Variants in ZC4H2 observed in about 807,000 individuals in gnomAD.
The protein encoded by ZC4H2 is zinc finger C4H2-type containing.
For synonymous variants in ZC4H2, 84 were observed against 66.3 expected (o/e 1.27, Z -1.30); for missense variants, 137 against 173.9 (o/e 0.79, Z 1.19).
chrX:64,989,219 T>C (rs1932257967), intron 1 of ZC4H2, among the ~76,000 whole-genome samples: 1 of 111,916 alleles, frequency 8.9e-6, no homozygotes, highest in Admixed American at 9.5e-5. Context: ...TTTGGTTCCA[T>C]ATGAACTTTA....
At chrX:65,034,342 C>A (rs2147301318) in intron 1 of ZC4H2, among the ~76,000 whole-genome samples, 1 of 111,930 alleles carries the variant, frequency 8.9e-6, no homozygotes, top group Admixed American at 9.4e-5. Context: ...TGACCCTTAA[C>A]CACCTGAGTT....
intron 1 of ZC4H2, among the ~76,000 whole-genome samples, chrX:65,006,960 T>C (rs763825582): frequency 1.2e-3 from 138 of 112,344 alleles, no homozygotes; most frequent in Non-Finnish European, 1.4e-3. Context: ...TCTGTAATCA[T>C]AATTTCCATA....
At chrX:64,960,812 A>G (rs1931361140) in intron 1 of ZC4H2, among the ~76,000 whole-genome samples, 1 of 112,047 alleles carries the variant, frequency 8.9e-6, no homozygotes, top group African/African-American at 3.2e-5. Context: ...TGTGGTCAGA[A>G]AAGATACTTG....
chrX:64,998,303 G>GA (rs1932458569), intron 1 of ZC4H2, among the ~76,000 whole-genome samples: 1 of 111,797 alleles, frequency 8.9e-6, no homozygotes, highest in African/African-American at 3.3e-5. Flanking sequence ...CAACCATACT[G>GA]AAAATGAAAA....
chrX:64,967,930 A>T (rs1381327150), intron 1 of ZC4H2, among the ~76,000 whole-genome samples: 1 of 111,772 alleles, frequency 8.9e-6, no homozygotes, highest in African/African-American at 3.3e-5. Context: ...CAATCATTAC[A>T]TTTGGAATGA....
At chrX:64,984,468 A>G (rs1278824414) in intron 1 of ZC4H2, among the ~76,000 whole-genome samples, 1 of 111,354 alleles carries the variant, frequency 9.0e-6, no homozygotes, top group South Asian at 3.8e-4. Flanking sequence ...ATTACGGATG[A>G]ATTCATAGGG....
At chrX:64,992,611 C>T in intron 1 of ZC4H2, among the ~76,000 whole-genome samples, 1 of 111,369 alleles carries the variant, frequency 9.0e-6, no homozygotes, top group Non-Finnish European at 1.9e-5. Context: ...ACGTCATTCC[C>T]TAATTCGGAC....
chrX:64,928,586 T>C (rs903424159), intron 1 of ZC4H2, among the ~76,000 whole-genome samples: 1 of 110,891 alleles, frequency 9.0e-6, no homozygotes, highest in African/African-American at 3.3e-5. Flanking sequence ...GCCATTTCTA[T>C]ATCTTCTTTT....
chrX:65,006,369 C>T (rs930591751), intron 1 of ZC4H2, among the ~76,000 whole-genome samples: 2 of 111,503 alleles, frequency 1.8e-5, no homozygotes, highest in South Asian at 7.6e-4. Flanking sequence ...CCATGGAATA[C>T]TATGCAGCAA....
intron 1 of ZC4H2, among the ~76,000 whole-genome samples, chrX:65,029,606 C>T (rs920560127): frequency 1.8e-5 from 2 of 110,642 alleles, no homozygotes; most frequent in African/African-American, 6.6e-5. Flanking sequence ...TTGTAAGGTA[C>T]GTGAGATAGA....
At chrX:65,004,759 G>T (rs766947322) in intron 1 of ZC4H2, among the ~76,000 whole-genome samples, 1 of 112,088 alleles carries the variant, frequency 8.9e-6, no homozygotes, top group Non-Finnish European at 1.9e-5. Flanking sequence ...AAGAAATAAA[G>T]TGTGTTAAAT....
intron 1 of ZC4H2, among the ~76,000 whole-genome samples, chrX:64,972,437 C>T (rs1931813822): frequency 8.9e-6 from 1 of 111,800 alleles, no homozygotes; most frequent in Non-Finnish European, 1.9e-5. Context: ...ATCATTCCTG[C>T]TTCTGTCCAG....
chrX:65,026,711 GA>G lies in ZC4H2; in HGVS notation c.-272+7917del, dbSNP rs537124076. On this transcript the variant is annotated intron_variant, in intron 1 of 4. Coordinates refer to the ZC4H2 transcript ENST00000337990. ...GCAACAGAGCGAGACTCCGTCTCAG[GA>G]AAAAAAAAAAAAGGAATTTAGCACA... Among the ~76,000 whole-genome samples, 378 of 96,853 alleles carry G rather than the reference GA, an allele frequency of 3.9e-3. 3 individuals are homozygous for G. The highest frequency in any genetic ancestry group is 6.3e-3 in the African/African-American group (168 of 26,767). 84.1% of individuals were successfully genotyped at this position (96,853 alleles called of 115,157 possible). A position where few individuals can be genotyped will look rare whatever the true frequency, so the allele number is the denominator to read the frequency against.
chrX:64,995,340 C>T (rs745880676), intron 1 of ZC4H2, among the ~76,000 whole-genome samples: 2 of 111,383 alleles, frequency 1.8e-5, no homozygotes, highest in African/African-American at 6.5e-5. Flanking sequence ...TGTCTTTGCC[C>T]CACTGCCTCT....
chrX:64,951,312 A>G (rs1307322569), intron 1 of ZC4H2, among the ~76,000 whole-genome samples: 1 of 112,104 alleles, frequency 8.9e-6, no homozygotes, highest in Non-Finnish European at 1.9e-5. Flanking sequence ...TTGGGTATAT[A>G]CCCAGTAATG....
intron 1 of ZC4H2, among the ~76,000 whole-genome samples, chrX:64,964,612 A>T (rs752508149): frequency 2.4e-4 from 27 of 111,846 alleles, no homozygotes; most frequent in Non-Finnish European, 4.5e-4. Flanking sequence ...TTTTCACACA[A>T]GGAAAGGTAA....
At chrX:64,945,221 T>G (rs954008152) in intron 1 of ZC4H2, among the ~76,000 whole-genome samples, 12 of 112,862 alleles carry the variant, frequency 1.1e-4, no homozygotes, top group African/African-American at 3.9e-4. Flanking sequence ...TGTATTTATT[T>G]AACTTTGATC....
chrX:65,002,874 G>A (rs1275419441), intron 1 of ZC4H2, among the ~76,000 whole-genome samples: 60 of 109,076 alleles, frequency 5.5e-4, no homozygotes, highest in African/African-American at 1.7e-3. Context: ...CTCGTTAAGA[G>A]TCATCACCAC....
chrX:64,929,271 TC>T (rs1443225672), intron 1 of ZC4H2, among the ~76,000 whole-genome samples: 1 of 111,281 alleles, frequency 9.0e-6, no homozygotes, highest in African/African-American at 3.3e-5. Context: ...TGGGTATTAG[TC>T]CTTTGTCAGA....
Sources: gnomAD v4.1 joint callset for allele counts (sites outside exome capture counted in the v4.1 genomes callset) on GRCh38, gnomAD v4.1.1 for gene constraint, MANE v1.5 for transcripts, NCBI Gene and HGNC (gene_info 2026-07-23, HGNC 2026-07-21) for gene names.